Variants in COL25A1 observed in about 807,000 individuals in gnomAD.
The protein encoded by COL25A1 is collagen alpha-1(XXV) chain.
COL25A1 carries 103 observed loss-of-function variants against 128.4 expected under a neutral mutation model. That is an observed-to-expected ratio of 0.80 (90% CI 0.68 to 0.94). The LOEUF (loss-of-function observed/expected upper bound fraction) is 0.94. Among genes scored for constraint, COL25A1 ranks in the 40% least tolerant of loss-of-function variants. The probability of loss-of-function intolerance (pLI) is 0.00; values close to 1 mark genes in which losing one functional copy is unlikely to be tolerated. For synonymous variants in COL25A1, 279 were observed against 277.2 expected (o/e 1.01, Z -0.06); for missense variants, 745 against 840.0 (o/e 0.89, Z 1.40).
chr4:109,207,950 A>G (rs555582768), intron 3 of COL25A1, among the ~76,000 whole-genome samples: 4 of 152,214 alleles, frequency 2.6e-5, no homozygotes, highest in South Asian at 2.1e-4. Flanking sequence ...TTCCAAAATC[A>G]TTGAAAGACC....
chr4:108,819,887 T>C (rs1731612036), intron 35 of COL25A1: 1 of 1,228,990 alleles, frequency 8.1e-7, no homozygotes, highest in African/African-American at 1.6e-5. Context: ...TGCCTTTCTT[T>C]CCCTTTTCCC....
At chr4:109,036,749 G>A (rs1759399438) in intron 5 of COL25A1, among the ~76,000 whole-genome samples, 1 of 152,162 alleles carries the variant, frequency 6.6e-6, no homozygotes, top group African/African-American at 2.4e-5. Flanking sequence ...GGCTACATAT[G>A]GTGAAAGATA....
chr4:108,983,196 T>C (rs986144546), intron 6 of COL25A1, among the ~76,000 whole-genome samples: 1 of 152,202 alleles, frequency 6.6e-6, no homozygotes, highest in Admixed American at 6.5e-5. Context: ...GATTTTTTTT[T>C]AACTTATTTT....
At chr4:109,267,239 G>A (rs981671444) in intron 3 of COL25A1, among the ~76,000 whole-genome samples, 1 of 152,086 alleles carries the variant, frequency 6.6e-6, no homozygotes, top group East Asian at 1.9e-4. Flanking sequence ...TTGAGCACTA[G>A]TGACAAATAA....
At chr4:108,859,092 G>T (rs1324075637) in intron 24 of COL25A1, among the ~76,000 whole-genome samples, 1 of 152,142 alleles carries the variant, frequency 6.6e-6, no homozygotes, top group East Asian at 1.9e-4. Flanking sequence ...GAATTATATG[G>T]TAGCAGTAAT....
chr4:109,190,621 G>A (rs928165826), intron 3 of COL25A1, among the ~76,000 whole-genome samples: 7 of 152,106 alleles, frequency 4.6e-5, no homozygotes, highest in African/African-American at 1.7e-4. Flanking sequence ...TGGATATAAT[G>A]GAAACATTTT....
At chr4:108,826,455 T>C (rs917346534) in intron 33 of COL25A1, among the ~76,000 whole-genome samples, 1 of 152,152 alleles carries the variant, frequency 6.6e-6, no homozygotes, top group Admixed American at 6.5e-5. Context: ...GGAGAATCAC[T>C]TGAACCCAGG....
chr4:109,105,780 A>G (rs1766371320), intron 3 of COL25A1, among the ~76,000 whole-genome samples: 1 of 152,210 alleles, frequency 6.6e-6, no homozygotes, highest in African/African-American at 2.4e-5. Flanking sequence ...GAAGGTAAAG[A>G]TATTAAATAA....
chr4:108,972,793 T>C lies in COL25A1; in HGVS notation c.492+1574A>G, dbSNP rs551445143. Among the ~76,000 whole-genome samples the C allele has an allele frequency of 1.5e-4, 23 of 152,324 alleles. 2 individuals are homozygous for C. In the South Asian group the frequency reaches 4.8e-3, roughly 32 times the overall value. The stretch of plus-strand genomic sequence containing the variant: ...GAAAGGCAGTCTGGGTTTGTCGAAG[T>C]AGTTCATGAACTTTGGCCAAACTTT... On this transcript the variant is annotated intron_variant, in intron 8 of 37. Transcript: ENST00000399132.
chr4:109,102,253 A>G (rs921172967), intron 3 of COL25A1, among the ~76,000 whole-genome samples: 10 of 152,064 alleles, frequency 6.6e-5, no homozygotes, highest in Admixed American at 3.9e-4. Context: ...TATATATTTA[A>G]TTACTCTTGT....
intron 3 of COL25A1, among the ~76,000 whole-genome samples, chr4:109,237,437 G>A (rs78152782): frequency 0.064 from 9,720 of 151,894 alleles, 583 homozygotes; most frequent in African/African-American, 0.16. Flanking sequence ...CACCCAGATG[G>A]AACTTTTCAA....
rs1416328499 is a variant in COL25A1 at position 108,814,052 on chromosome 4, C to T, written c.1963-123G>A. The T allele has an allele frequency of 8.2e-6, 6 of 729,248 alleles. No individual in the cohort carries two copies. In the African/African-American group the frequency reaches 1.1e-4, roughly 13 times the overall value. 45.2% of individuals were successfully genotyped at this position (729,248 alleles called of 1,614,324 possible). ...TGAATAGAGTCTATAAGCCAACTGA[C>T]TGGCTATCAATGAGCCAATTGATTA... On this transcript the variant is annotated intron_variant, in intron 37 of 37. Coordinates refer to ENST00000399132, the MANE Select transcript of COL25A1 (RefSeq NM_198721.4).
intron 8 of COL25A1, among the ~76,000 whole-genome samples, chr4:108,951,640 C>T (rs1749448470): frequency 6.6e-6 from 1 of 152,164 alleles, no homozygotes; most frequent in Non-Finnish European, 1.5e-5. Flanking sequence ...CACACCTTGG[C>T]CTCCTAAAGC....
intron 11 of COL25A1, among the ~76,000 whole-genome samples, chr4:108,937,084 C>A (rs79859999): frequency 0.036 from 5,532 of 152,048 alleles, 174 homozygotes; most frequent in African/African-American, 0.067. Flanking sequence ...GAGTGTGAGC[C>A]GTCCTCTGGC....
At chr4:109,295,853 T>C (rs1039700435) in intron 3 of COL25A1, among the ~76,000 whole-genome samples, 7 of 152,064 alleles carry the variant, frequency 4.6e-5, no homozygotes, top group Non-Finnish European at 1.0e-4. Flanking sequence ...TTGTACACCA[T>C]CATTTTCATG....
chr4:109,281,005 G>C (rs1022592182), intron 3 of COL25A1, among the ~76,000 whole-genome samples: 7 of 152,068 alleles, frequency 4.6e-5, no homozygotes, highest in African/African-American at 1.2e-4. Flanking sequence ...TGTAGCTATA[G>C]ATATAACAGA....
intron 35 of COL25A1, among the ~76,000 whole-genome samples, chr4:108,822,926 T>C (rs1160408515): frequency 2.6e-5 from 4 of 152,204 alleles, no homozygotes; most frequent in Non-Finnish European, 5.9e-5. Context: ...ATCATATGTA[T>C]AGCTCTTGGG....
chr4:108,998,161 A>G (rs568701128), intron 6 of COL25A1, among the ~76,000 whole-genome samples: 2 of 152,278 alleles, frequency 1.3e-5, no homozygotes, highest in African/African-American at 4.8e-5. Flanking sequence ...AGGGTTTTGA[A>G]TTAGGAAAAG....
At chr4:109,271,495 G>GACCA (rs1782196904) in intron 3 of COL25A1, among the ~76,000 whole-genome samples, 1 of 152,190 alleles carries the variant, frequency 6.6e-6, no homozygotes, top group African/African-American at 2.4e-5. Context: ...ACTCCCAGAA[G>GACCA]ACCAACTATG....
Sources: allele counts gnomAD v4.1 joint callset (sites outside exome capture counted in the v4.1 genomes callset), GRCh38; gene constraint gnomAD v4.1.1; transcripts MANE v1.5; gene names NCBI Gene and HGNC (gene_info 2026-07-23, HGNC 2026-07-21).